Variants in ADAM17 observed in about 807,000 individuals in gnomAD.
ADAM17 encodes ADAM metallopeptidase domain 17, also known as disintegrin and metalloproteinase domain-containing protein 17.
A neutral mutation model predicts 96.7 loss-of-function variants in ADAM17; 39 were observed. The ratio of observed to expected loss-of-function variants is 0.40; its 90% confidence interval spans 0.31 to 0.53. ADAM17 has a LOEUF of 0.53. ADAM17 is among the 20% of genes least tolerant of loss of function. The pLI is 0.44. For synonymous variants in ADAM17, 344 were observed against 359.2 expected (o/e 0.96, Z 0.48); for missense variants, 777 against 1,013.2 (o/e 0.77, Z 3.17).
At chr2:9,503,739 G>A (rs773539550) in intron 12 of ADAM17, among the ~76,000 whole-genome samples, 3 of 151,548 alleles carry the variant, frequency 2.0e-5, no homozygotes, top group Non-Finnish European at 4.4e-5. Flanking sequence ...TGGGGAGGCT[G>A]AGGCAGGGGA....
intron 4 of ADAM17, 124 bp downstream of exon 4, chr2:9,535,710 T>TA: frequency 5.6e-6 from 3 of 537,788 alleles, no homozygotes; most frequent in East Asian, 3.3e-5. Context: ...ACTTTCCTAG[T>TA]AAAAAACTTC....
At chr2:9,542,212 T>C (rs1441730462) in intron 2 of ADAM17, among the ~76,000 whole-genome samples, 1 of 152,122 alleles carries the variant, frequency 6.6e-6, no homozygotes, top group African/African-American at 2.4e-5. Context: ...CATCAATTTA[T>C]GCTAAGAAGT....
At position 9,535,771 on chromosome 2, in the gene ADAM17, C is replaced by G. The variant is rs544133816; in HGVS notation, c.450+63G>C. 2.6e-4 allele frequency: 285 copies of G among 1,098,596 alleles called. 1 individual carries two copies. Among genetic ancestry groups the G allele is most frequent in the Non-Finnish European group, 3.6e-4 (268 of 742,582 alleles). The allele number at this position is 1,098,596 out of a possible 1,614,324, so 68.1% of individuals were successfully genotyped here. A position where few individuals can be genotyped will look rare whatever the true frequency, so the allele number is the denominator to read the frequency against. ...ATAATTACTTTTCACCTTTGCAGAA[C>G]TGAGCAGCTTTTTGAAAATCAGAGA... On this transcript the variant is annotated intron_variant, in intron 4 of 18. Coordinates refer to ENST00000310823, the MANE Select transcript of ADAM17 (RefSeq NM_003183.6).
chr2:9,494,933 A>G, intron 14 of ADAM17, 166 bp from the exon 15 acceptor site: 1 of 752,084 alleles, frequency 1.3e-6, no homozygotes, highest in Non-Finnish European at 2.0e-6. Context: ...GTAGTTTCTG[A>G]GGTCACACTC....
intron 10 of ADAM17, among the ~76,000 whole-genome samples, chr2:9,513,410 A>G (rs371632315): frequency 6.6e-6 from 1 of 152,144 alleles, no homozygotes; most frequent in African/African-American, 2.4e-5. Flanking sequence ...GAATGTGGAA[A>G]CCCCAACTTG....
Position 9,494,641 on chromosome 2 carries a change from A to T in ADAM17, c.1910T>A (p.Met637Lys). The stretch of plus-strand genomic sequence containing the variant: ...AAGCTGTACATAAATACTCACATTC[A>T]TGTCACAAAATCCTACTGTACAGGG... ...GKPCTVGFCD[M>K]NGKCEKRVQD... Residue 637 changes from methionine (M) to lysine (K), a missense_variant, in exon 15 of 19, where the codon ATG becomes AAG. By Grantham distance (95) the Met-to-Lys change is moderately conservative. This residue lies in a region of ADAM17 where 446 missense variants were observed against 664.7 expected (regional missense o/e 0.67). Transcript: ENST00000310823. 2.5e-6 allele frequency: 4 copies of T among 1,613,932 alleles called. No individual in the cohort carries two copies. Among genetic ancestry groups the T allele is most frequent in the Non-Finnish European group, 3.4e-6 (4 of 1,179,850 alleles).
chr2:9,499,697 G>A (rs66995158), intron 13 of ADAM17, among the ~76,000 whole-genome samples: 34,769 of 151,924 alleles, frequency 0.23, 4,729 homozygotes, highest in Middle Eastern at 0.32. Context: ...CCACTGTGCC[G>A]GGCCATCAGG....
At chr2:9,538,339 G>A (rs977254741) in intron 2 of ADAM17, among the ~76,000 whole-genome samples, 1 of 152,136 alleles carries the variant, frequency 6.6e-6, no homozygotes, top group Admixed American at 6.5e-5. Context: ...TCTAGACTGG[G>A]ACTATCTCCA....
intron 11 of ADAM17, among the ~76,000 whole-genome samples, chr2:9,507,365 G>A (rs1255254501): frequency 6.6e-6 from 1 of 152,036 alleles, no homozygotes; most frequent in South Asian, 2.1e-4. Flanking sequence ...GGCCAGGTGT[G>A]GTGGCATGCA....
Position 9,488,498 on chromosome 2 carries a change from A to C in ADAM17, c.*1679T>G, listed in dbSNP as rs1661770202. The C allele has an allele frequency of 2.0e-6, 1 of 499,388 alleles. No individual in the cohort carries two copies. Among genetic ancestry groups the C allele is most frequent in the Non-Finnish European group, 3.5e-6 (1 of 288,902 alleles). The allele number at this position is 499,388 out of a possible 1,614,324, so 30.9% of individuals were successfully genotyped here. A position where few individuals can be genotyped will look rare whatever the true frequency, so the allele number is the denominator to read the frequency against. ...ATACTTAGGTCCATTGTGTTTCGAC[A>C]GTATTTATTAATGCAGATATCAGTG... On this transcript the variant is annotated 3_prime_UTR_variant, in exon 19 of 19. Transcript: ENST00000310823.
Position 9,555,525 on chromosome 2 carries a change from G to A in ADAM17, c.81C>T (p.Gly27=), listed in dbSNP as rs138046330. 1,046 of 1,598,784 alleles carry A rather than the reference G, an allele frequency of 6.5e-4. 9 individuals carry two copies. Among genetic ancestry groups the A allele is most frequent in the South Asian group, 5.7e-3 (500 of 88,462 alleles). ...APRPPDDPGF[G]PHQRLEKLDS... is the part of the protein sequence containing the mutation. ...GGTCTTTACCGAGTCTCTGGTGGGG[G>A]CCGAAGCCCGGGTCATCCGGAGGTC... is the stretch of plus-strand genomic sequence containing the variant. Residue 27 remains glycine (G), a synonymous_variant, in exon 1 of 19, where the codon GGC becomes GGT. Coordinates refer to ENST00000310823, the MANE Select transcript of ADAM17 (RefSeq NM_003183.6).
At chr2:9,540,864 G>A (rs145601975) in intron 2 of ADAM17, among the ~76,000 whole-genome samples, 3 of 152,178 alleles carry the variant, frequency 2.0e-5, no homozygotes, top group Admixed American at 6.5e-5. Flanking sequence ...CCTTTAGAGG[G>A]GTGACAGTTA....
intron 13 of ADAM17, among the ~76,000 whole-genome samples, chr2:9,499,463 G>A (rs1047312637): frequency 1.4e-4 from 21 of 151,946 alleles, no homozygotes; most frequent in Non-Finnish European, 2.2e-4. Flanking sequence ...GTGCAGTGGC[G>A]TGATCTCGGC....
intron 13 of ADAM17, 68 bp downstream of exon 13, chr2:9,502,105 A>G: frequency 7.3e-7 from 1 of 1,372,104 alleles, no homozygotes; most frequent in Non-Finnish European, 1.0e-6. Flanking sequence ...ACAAAACATA[A>G]TCTTGTTTTT....
Position 9,490,252 on chromosome 2 carries a change from G to A in ADAM17, c.2400C>T (p.Val800=). 6.2e-7 allele frequency: 1 copy of A among 1,612,776 alleles called. No homozygotes were observed. The highest frequency in any genetic ancestry group is 2.2e-5 in the East Asian group (1 of 44,830). The part of the protein sequence containing the change: ...KSFEDLTDHP[V]TRSEKAASFK... Reference sequence around the variant, plus strand: ...AGGAGGCAGCCTTTTCACTTCTGGTGACCGGATGGTCCGTGAGATCCTCAA... The same window carrying A: ...AGGAGGCAGCCTTTTCACTTCTGGTAACCGGATGGTCCGTGAGATCCTCAA... The change falls in exon 19 of 19, where the codon GTC becomes GTT. Residue 800 remains valine, a synonymous_variant. Coordinates refer to ENST00000310823, the MANE Select transcript of ADAM17 (RefSeq NM_003183.6).
At chr2:9,529,486 CATGTT>C (rs1358574352) in intron 4 of ADAM17, among the ~76,000 whole-genome samples, 1 of 151,932 alleles carries the variant, frequency 6.6e-6, no homozygotes, top group African/African-American at 2.4e-5. Context: ...ACACAAAAGA[CATGTT>C]ATGTAATTCC....
chr2:9,543,189 T>C lies in ADAM17; in HGVS notation c.194A>G (p.His65Arg), dbSNP rs774425802. The part of the protein sequence containing the change: ...VRKRDLQTST[H>R]VETLLTFSAL... ...TGAAAAAGTTAGTAGTGTTTCTACATGTGTTGAAGTCTGTAGATCTCTTTT... is the reference window on the plus strand; with the variant it reads ...TGAAAAAGTTAGTAGTGTTTCTACACGTGTTGAAGTCTGTAGATCTCTTTT... Residue 65 changes from histidine (H) to arginine (R), a missense_variant, in exon 2 of 19, where the codon CAT becomes CGT. Physicochemically the swap from His to Arg is conservative, Grantham distance 29. Around this residue, in one of 3 missense-constraint regions of ADAM17, gnomAD observed 134 missense variants for 129.1 expected, o/e 1.04. Coordinates refer to ENST00000310823, the MANE Select transcript of ADAM17 (RefSeq NM_003183.6). The C allele has an allele frequency of 1.5e-5, 24 of 1,605,704 alleles. No homozygotes were observed. Among genetic ancestry groups the C allele is most frequent in the African/African-American group, 5.4e-5 (4 of 74,428 alleles).
chr2:9,538,838 C>G (rs929573050), intron 2 of ADAM17, among the ~76,000 whole-genome samples: 1 of 152,114 alleles, frequency 6.6e-6, no homozygotes, highest in Non-Finnish European at 1.5e-5. Flanking sequence ...TTTTATCTTT[C>G]TGACTTTTGA....
At chr2:9,548,290 C>A (rs1265226161) in intron 1 of ADAM17, among the ~76,000 whole-genome samples, 1 of 151,982 alleles carries the variant, frequency 6.6e-6, no homozygotes, top group African/African-American at 2.4e-5. Flanking sequence ...CGAGATCATG[C>A]CACTGCACTC....
Sources: allele counts gnomAD v4.1 joint callset (sites outside exome capture counted in the v4.1 genomes callset), GRCh38; gene constraint gnomAD v4.1.1; regional missense constraint gnomAD v4.1.1; transcripts MANE v1.5; gene names NCBI Gene and HGNC (gene_info 2026-07-23, HGNC 2026-07-21).